Variants in ULK4 observed in about 807,000 individuals in gnomAD.
The protein encoded by ULK4 is unc-51 like kinase 4.
A neutral mutation model predicts 160.6 loss-of-function variants in ULK4; 133 were observed. The ratio of observed to expected loss-of-function variants is 0.83; its 90% CI spans 0.72 to 0.96. The LOEUF is 0.96. ULK4 is among the 40% of genes least tolerant of loss of function. The pLI, the probability that ULK4 is intolerant of heterozygous loss-of-function variation, is 0.00. For missense variants in ULK4, 1,580 were observed against 1,499.5 expected, an observed-to-expected ratio of 1.05 and a Z score of -0.89; for synonymous variants, 534 against 539.8, an observed-to-expected ratio of 0.99 and a Z score of 0.15.
chr3:41,855,343 G>A (rs1324054793), intron 17 of ULK4, among the ~76,000 whole-genome samples: 1 of 152,176 alleles, frequency 6.6e-6, no homozygotes, highest in Non-Finnish European at 1.5e-5. Flanking sequence ...CAAGCCAGAG[G>A]CATATAATCC....
rs137990217 is a variant in ULK4 at position 41,313,691 on chromosome 3, G to C, written c.3679-64117C>G. Reference sequence around the variant, plus strand: ...TCTCTAGCTAAAGTACTAAGGTGCTGCTTTAGTTAAACCATATAATTTTAT... The same window carrying C: ...TCTCTAGCTAAAGTACTAAGGTGCTCCTTTAGTTAAACCATATAATTTTAT... On this transcript the variant is annotated intron_variant, in intron 35 of 36. Transcript: ENST00000301831. Among the ~76,000 whole-genome samples, 814 of 152,202 alleles carry C rather than the reference G, an allele frequency of 5.3e-3. 7 individuals carry two copies. Among genetic ancestry groups the C allele is most frequent in the African/African-American group, 0.018 (763 of 41,510 alleles).
intron 2 of ULK4, among the ~76,000 whole-genome samples, chr3:41,949,432 A>ATT (rs368229748): frequency 0.015 from 2,108 of 141,592 alleles, 38 homozygotes; most frequent in Non-Finnish European, 0.023. Flanking sequence ...GATTAGCGGA[A>ATT]TTTTTTTTTT....
chr3:41,879,478 T>C (rs1243563422), intron 17 of ULK4, among the ~76,000 whole-genome samples: 2 of 151,978 alleles, frequency 1.3e-5, no homozygotes, highest in Non-Finnish European at 2.9e-5. Context: ...CTTCTATATA[T>C]GTTGAAATTT....
chr3:41,505,062 C>A (rs2085331244), intron 32 of ULK4, among the ~76,000 whole-genome samples: 1 of 152,110 alleles, frequency 6.6e-6, no homozygotes, highest in South Asian at 2.1e-4. Flanking sequence ...GTCAAATAAT[C>A]CAAACTGACT....
intron 31 of ULK4, among the ~76,000 whole-genome samples, chr3:41,606,122 A>G (rs890156177): frequency 6.6e-6 from 1 of 152,028 alleles, no homozygotes; most frequent in African/African-American, 2.4e-5. Flanking sequence ...TTTTAGCACT[A>G]AATGTTTATA....
chr3:41,390,549 A>G (rs2081934493), intron 35 of ULK4, among the ~76,000 whole-genome samples: 1 of 151,804 alleles, frequency 6.6e-6, no homozygotes, highest in Admixed American at 6.6e-5. Context: ...TGTGTCCCAG[A>G]GATTCTGGTA....
intron 32 of ULK4, among the ~76,000 whole-genome samples, chr3:41,548,647 G>A (rs118061214): frequency 2.1e-3 from 325 of 151,730 alleles, no homozygotes; most frequent in East Asian, 0.012. Context: ...ACTACCCAGA[G>A]GCAAAATGAC....
chr3:41,757,711 G>A (rs2038853767), intron 21 of ULK4, among the ~76,000 whole-genome samples: 1 of 149,434 alleles, frequency 6.7e-6, no homozygotes, highest in South Asian at 2.2e-4. Flanking sequence ...TCGGCTCACT[G>A]TAACCTCCCC....
At chr3:41,421,381 GA>G (rs1477470494) in intron 34 of ULK4, among the ~76,000 whole-genome samples, 1 of 152,062 alleles carries the variant, frequency 6.6e-6, no homozygotes, top group African/African-American at 2.4e-5. Context: ...CAATTTTAAT[GA>G]AAATGCATTT....
intron 32 of ULK4, among the ~76,000 whole-genome samples, chr3:41,562,781 C>T (rs527781829): frequency 8.3e-4 from 127 of 152,132 alleles, no homozygotes; most frequent in African/African-American, 2.8e-3. Context: ...GTCTCCTGAA[C>T]ACAGCACACT....
At chr3:41,526,081 T>A (rs1481114455) in intron 32 of ULK4, among the ~76,000 whole-genome samples, 2 of 152,196 alleles carry the variant, frequency 1.3e-5, no homozygotes, top group Non-Finnish European at 2.9e-5. Context: ...TTGCTCCTTA[T>A]CTCCTTCTCT....
chr3:41,705,740 C>T (rs1041359677), intron 25 of ULK4, among the ~76,000 whole-genome samples: 6 of 152,156 alleles, frequency 3.9e-5, no homozygotes, highest in African/African-American at 1.4e-4. Context: ...GGTGGTCCAC[C>T]TGCCTCGGCC....
intron 35 of ULK4, among the ~76,000 whole-genome samples, chr3:41,253,071 ATAT>A (rs2078769958): frequency 6.6e-6 from 1 of 152,234 alleles, no homozygotes; most frequent in East Asian, 1.9e-4. Context: ...TAGTTTCAAA[ATAT>A]TATTTAGGAA....
At chr3:41,935,750 C>A in intron 4 of ULK4, 51 bp downstream of exon 4, 1 of 1,549,240 alleles carries the variant, frequency 6.5e-7, no homozygotes, top group South Asian at 1.2e-5. Context: ...TGAGAAAGCA[C>A]TCTAATTTGA....
intron 21 of ULK4, among the ~76,000 whole-genome samples, chr3:41,761,226 T>C (rs1486664941): frequency 6.6e-6 from 1 of 151,656 alleles, no homozygotes; most frequent in Admixed American, 6.6e-5. Context: ...CCCATGGAAG[T>C]AAATTTCATT....
chr3:41,832,204 TG>T (rs1334064290), intron 18 of ULK4, among the ~76,000 whole-genome samples: 1 of 152,226 alleles, frequency 6.6e-6, no homozygotes, highest in Non-Finnish European at 1.5e-5. Context: ...CCAGCATTTT[TG>T]TTTCTTGACT....
At chr3:41,386,270 G>T (rs1300633842) in intron 35 of ULK4, among the ~76,000 whole-genome samples, 1 of 151,814 alleles carries the variant, frequency 6.6e-6, no homozygotes, top group Non-Finnish European at 1.5e-5. Context: ...TCATTTTGTG[G>T]CCTGCTTTCA....
intron 32 of ULK4, among the ~76,000 whole-genome samples, chr3:41,504,653 C>T (rs919722980): frequency 4.6e-5 from 7 of 151,892 alleles, no homozygotes; most frequent in Admixed American, 4.6e-4. Flanking sequence ...AGCTTTCAGA[C>T]AGAAAAAAAT....
At chr3:41,704,960 A>G (rs963385800) in intron 27 of ULK4, 97 bp downstream of exon 27, 51 of 851,882 alleles carry the variant, frequency 6.0e-5, no homozygotes, top group Non-Finnish European at 8.8e-5. Context: ...CATGTGAGGA[A>G]CACATATGAG....
Sources: allele counts gnomAD v4.1 joint callset (sites outside exome capture counted in the v4.1 genomes callset), GRCh38; gene constraint gnomAD v4.1.1; transcripts MANE v1.5; gene names NCBI Gene and HGNC (gene_info 2026-07-23, HGNC 2026-07-21).